The following RSPH4A variants were observed in gnomAD, a reference collection of about 807,000 sequenced individuals.
RSPH4A encodes the protein radial spoke head protein 4 homolog A.
RSPH4A carries 47 observed loss-of-function variants against 71.0 expected under a neutral mutation model. The ratio of observed to expected loss-of-function variants is 0.66; its 90% confidence interval spans 0.52 to 0.84. The LOEUF is 0.84. RSPH4A is among the 40% of genes least tolerant of loss of function. The pLI, the probability that RSPH4A is intolerant of heterozygous loss-of-function variation, is 0.00. For synonymous variants in RSPH4A, 282 were observed against 302.3 expected (o/e 0.93, Z 0.70); for missense variants, 793 against 855.2 (o/e 0.93, Z 0.91).
intron 1 of RSPH4A, among the ~76,000 whole-genome samples, chr6:116,618,610 T>A (rs1460252159): frequency 1.3e-5 from 2 of 152,068 alleles, no homozygotes; most frequent in Non-Finnish European, 2.9e-5. Flanking sequence ...GCCTCCTGGG[T>A]TCAAGCGATT....
chr6:116,623,716 T>G (rs548924107), intron 2 of RSPH4A, among the ~76,000 whole-genome samples: 15 of 152,338 alleles, frequency 9.8e-5, no homozygotes, highest in African/African-American at 3.6e-4. Context: ...TGCATGTTTA[T>G]TAGAAAATTT....
chr6:116,624,909 C>G (rs1038093976), intron 2 of RSPH4A, among the ~76,000 whole-genome samples: 6 of 152,120 alleles, frequency 3.9e-5, no homozygotes, highest in Admixed American at 3.9e-4. Flanking sequence ...GACTGGAAAG[C>G]CATTTGATTA....
At chr6:116,620,652 C>A (rs1775588492) in intron 1 of RSPH4A, among the ~76,000 whole-genome samples, 1 of 152,024 alleles carries the variant, frequency 6.6e-6, no homozygotes, top group Admixed American at 6.5e-5. Flanking sequence ...TAATTTGACA[C>A]AAAGGCATTT....
intron 5 of RSPH4A, 40 bp downstream of exon 5, chr6:116,630,592 G>A (rs1191993960): frequency 2.6e-6 from 2 of 777,058 alleles, no homozygotes; most frequent in South Asian, 2.6e-5. Context: ...TCTGTGATTA[G>A]TTAAGCTCTG....
At chr6:116,620,903 T>C (rs1462967152) in intron 1 of RSPH4A, among the ~76,000 whole-genome samples, 2 of 152,156 alleles carry the variant, frequency 1.3e-5, no homozygotes, top group African/African-American at 2.4e-5. Flanking sequence ...TTGTCACCCA[T>C]GCTGGAGTGC....
intron 2 of RSPH4A, 76 bp from the exon 3 acceptor site, chr6:116,627,553 G>T: frequency 9.0e-7 from 1 of 1,115,950 alleles, no homozygotes; most frequent in South Asian, 1.2e-5. Context: ...GTAGAATATC[G>T]AGATACATGA....
rs886692793 is a variant in RSPH4A, at chr6:116,616,538, C to T, written c.-86C>T. ...AGGACCCAGAAATCGCTTAAGAGAC[C>T]GCGGCAAAGTAACTTAACTGAGTTG... On this transcript the variant is annotated 5_prime_UTR_variant, in exon 1 of 6. Coordinates refer to ENST00000229554, the MANE Select transcript of RSPH4A (RefSeq NM_001010892.3). The T allele has an allele frequency of 1.7e-6, 2 of 1,204,440 alleles. No individual in the cohort carries two copies. The highest frequency in any genetic ancestry group is 3.0e-5 in the African/African-American group (2 of 66,070). 74.6% of individuals were successfully genotyped at this position (1,204,440 alleles called of 1,614,324 possible).
rs1211365614 is a variant in RSPH4A at position 116,632,526 on chromosome 6, T to C, written c.*85T>C. Reference sequence around the variant, plus strand: ...ACTAATTTTACACTTTTCTGTGTTATGTGTGTATATACATACACATGTAAG... The same window carrying C: ...ACTAATTTTACACTTTTCTGTGTTACGTGTGTATATACATACACATGTAAG... On this transcript the variant is annotated 3_prime_UTR_variant, in exon 6 of 6. Transcript: ENST00000229554. The C allele has an allele frequency of 1.3e-6, 2 of 1,514,916 alleles. No homozygotes were observed. Among genetic ancestry groups the C allele is most frequent in the South Asian group, 2.4e-5 (2 of 82,212 alleles). 93.8% of individuals were successfully genotyped at this position (1,514,916 alleles called of 1,614,324 possible).
Position 116,627,800 on chromosome 6 carries a change from A to C in RSPH4A, c.1093A>C (p.Asn365His), listed in dbSNP as rs1207779229. ...FWGKILGLEM[N>H]YIVAEVEFRE... is the part of the protein sequence containing the mutation. ...GGGAAAGATCTTGGGTCTGGAAATG[A>C]ATTATATTGTAGCTGAAGTGGAATT... Residue 365 changes from asparagine (N) to histidine (H), a missense_variant, in exon 3 of 6, where the codon AAT (asparagine) becomes CAT (histidine). By Grantham distance (68) the Asn-to-His change is moderately conservative. Transcript: ENST00000229554. The C allele has an allele frequency of 6.2e-7, 1 of 1,614,140 alleles. No individual in the cohort carries two copies. The highest frequency in any genetic ancestry group is 8.5e-7 in the Non-Finnish European group (1 of 1,180,022).
intron 1 of RSPH4A, among the ~76,000 whole-genome samples, chr6:116,618,305 A>T (rs538823224): frequency 1.3e-5 from 2 of 152,228 alleles, no homozygotes; most frequent in African/African-American, 4.8e-5. Context: ...AATGTCATTT[A>T]TAATTTTTTA....
chr6:116,618,199 C>G (rs183119587), intron 1 of RSPH4A, among the ~76,000 whole-genome samples: 93 of 152,332 alleles, frequency 6.1e-4, no homozygotes, highest in African/African-American at 2.2e-3. Context: ...CAGAAGGCTT[C>G]TTTTCTAAGT....
chr6:116,626,671 G>A (rs1009899810), intron 2 of RSPH4A, among the ~76,000 whole-genome samples: 2 of 152,078 alleles, frequency 1.3e-5, no homozygotes, highest in Non-Finnish European at 2.9e-5. Flanking sequence ...GTCCATTTAA[G>A]ACTCTGCTTA....
chr6:116,623,552 A>G (rs1775647659), intron 2 of RSPH4A, among the ~76,000 whole-genome samples: 1 of 152,110 alleles, frequency 6.6e-6, no homozygotes, highest in South Asian at 2.1e-4. Flanking sequence ...ATATGTTTGT[A>G]TGCTAAGCTC....
chr6:116,627,864 A>ATGTAGC lies in RSPH4A; in HGVS notation c.1160_1165dup (p.Val387_Ala388dup). The ATGTAGC allele has an allele frequency of 6.2e-7, 1 of 1,613,762 alleles. No individual in the cohort carries two copies. Among genetic ancestry groups the ATGTAGC allele is most frequent in the Non-Finnish European group, 8.5e-7 (1 of 1,179,654 alleles). The stretch of plus-strand genomic sequence containing the variant: ...GATGAAGAGGAAGTGGAAGAGGAAG[A>ATGTAGC]TGTAGCTGAAGAGAGGGACAATGGA... On this transcript the variant is annotated inframe_insertion, in exon 3 of 6. Coordinates refer to ENST00000229554, the MANE Select transcript of RSPH4A (RefSeq NM_001010892.3).
chr6:116,624,945 GA>G (rs1435166267), intron 2 of RSPH4A, among the ~76,000 whole-genome samples: 2 of 152,294 alleles, frequency 1.3e-5, no homozygotes, highest in East Asian at 3.9e-4. Context: ...AGCCTCATAT[GA>G]TGGAGTAAAC....
intron 1 of RSPH4A, 53 bp downstream of exon 1, chr6:116,617,362 G>A (rs1473006720): frequency 1.6e-6 from 2 of 1,287,242 alleles, no homozygotes; most frequent in Admixed American, 3.8e-5. Flanking sequence ...GAGGGTGTGT[G>A]AGTATCTCTG....
At chr6:116,630,845 GTA>G (rs1562393131) in intron 5 of RSPH4A, among the ~76,000 whole-genome samples, 1 of 67,712 alleles carries the variant, frequency 1.5e-5, no homozygotes, top group Non-Finnish European at 2.7e-5. Context: ...GCTAATTTTT[GTA>G]TTTTTTTTTT....
chr6:116,632,566 C>A lies in RSPH4A; in HGVS notation c.*125C>A. 1.7e-6 allele frequency: 2 copies of A among 1,205,522 alleles called. No individual in the cohort carries two copies. The highest frequency in any genetic ancestry group is 2.3e-6 in the Non-Finnish European group (2 of 875,928). The allele number at this position is 1,205,522 out of a possible 1,614,324, so 74.7% of individuals were successfully genotyped here. On this transcript the variant is annotated 3_prime_UTR_variant, in exon 6 of 6. Coordinates refer to ENST00000229554, the MANE Select transcript of RSPH4A (RefSeq NM_001010892.3). The stretch of plus-strand genomic sequence containing the variant: ...ACACATGTAAGAAATTATTCAACTG[C>A]AAAATCTCAATCTTGAAAATCAAGC...
In RSPH4A at chr6:116,632,174, ATC is replaced by A. The variant is rs1182334242; in HGVS notation, c.1917-31_1917-30del. 4 of 1,486,568 alleles carry A rather than the reference ATC, an allele frequency of 2.7e-6. No homozygotes were observed. In the African/African-American group the frequency reaches 5.6e-5, roughly 21 times the overall value. 92.1% of individuals were successfully genotyped at this position (1,486,568 alleles called of 1,614,324 possible). A position where few individuals can be genotyped will look rare whatever the true frequency, so the allele number is the denominator to read the frequency against. On this transcript the variant is annotated intron_variant, in intron 5 of 5. Transcript: ENST00000229554. ...AGTTTTTCTGAGAAATTATATAATG[ATC>A]TTTTTTTCTTCTTCTTTTTCTTACT...
Sources: gnomAD v4.1 joint callset for allele counts (sites outside exome capture counted in the v4.1 genomes callset) on GRCh38, gnomAD v4.1.1 for gene constraint, MANE v1.5 for transcripts, NCBI Gene and HGNC (gene_info 2026-07-23, HGNC 2026-07-21) for gene names.